Variants in DENND2B observed in about 807,000 individuals in gnomAD.
DENND2B encodes DENN domain containing 2B, also known as DENN domain-containing protein 2B.
Under a neutral mutation model 116.0 loss-of-function variants are expected in DENND2B, and 32 were observed. That is an observed-to-expected ratio of 0.28 (90% CI 0.21 to 0.37). DENND2B has a LOEUF of 0.37. Among genes scored for constraint, DENND2B ranks in the 10% least tolerant of loss-of-function variants. The pLI is 1.00. For synonymous variants in DENND2B, 588 were observed against 583.9 expected, an observed-to-expected ratio of 1.01 and a Z score of -0.10; for missense variants, 1,276 against 1,477.7, an observed-to-expected ratio of 0.86 and a Z score of 2.24.
At chr11:8,906,925 G>C (rs11042116) in intron 1 of DENND2B, among the ~76,000 whole-genome samples, 29,884 of 152,066 alleles carry the variant, frequency 0.2, 3,056 homozygotes, top group East Asian at 0.31. Context: ...GGTATGTACA[G>C]TATAAATCAC....
At chr11:8,897,786 T>C (rs1386089000) in intron 1 of DENND2B, among the ~76,000 whole-genome samples, 4 of 152,166 alleles carry the variant, frequency 2.6e-5, no homozygotes, top group Non-Finnish European at 5.9e-5. Context: ...ACTCTATTTC[T>C]TTGTTCTTGT....
chr11:8,806,612 A>ACACACACACACACACACACACG, intron 1 of DENND2B, among the ~76,000 whole-genome samples: 1 of 150,440 alleles, frequency 6.6e-6, no homozygotes, highest in South Asian at 2.1e-4. Context: ...CAAAACACAC[A>ACACACACACACACACACACACG]CACACACACA....
chr11:8,857,953 GA>G (rs1321553588), intron 2 of DENND2B, among the ~76,000 whole-genome samples: 2 of 152,204 alleles, frequency 1.3e-5, no homozygotes, highest in African/African-American at 4.8e-5. Flanking sequence ...GGTCCTCCAA[GA>G]AATTTCTCTG....
rs1190435108 is a variant in DENND2B at position 8,712,725 on chromosome 11, C to G, written c.1998G>C (p.Gln666His). ...DSDDRFKAHT[Q>H]RLVHIQSMLK... ...GCATCGACTGGATGTGGACCAGGCG[C>G]TGTGTGTGGGCTGGAGGCAGGTTGC... The change falls in exon 9 of 20, where the codon CAG (glutamine) becomes CAC (histidine). Residue 666 changes from glutamine to histidine, a missense_variant. By Grantham distance (24) the Gln-to-His change is conservative (BLOSUM62 0). Around this residue, in one of 2 missense-constraint regions of DENND2B, gnomAD observed 420 missense variants for 631.1 expected, o/e 0.67. Coordinates refer to ENST00000313726, the MANE Select transcript of DENND2B (RefSeq NM_213618.2). The surrounding 1 kb of genome is among the most constrained non-coding windows in gnomAD (Gnocchi z 4.4). The G allele has an allele frequency of 6.2e-7, 1 of 1,611,418 alleles. No homozygotes were observed. Among genetic ancestry groups the G allele is most frequent in the East Asian group, 2.2e-5 (1 of 44,814 alleles).
intron 3 of DENND2B, among the ~76,000 whole-genome samples, chr11:8,728,652 A>G (rs574415919): frequency 2.6e-5 from 4 of 152,262 alleles, no homozygotes; most frequent in Non-Finnish European, 5.9e-5. Context: ...AATTTAGCTC[A>G]GCAACTCCCT....
chr11:8,805,783 A>T (rs554999932), intron 1 of DENND2B, among the ~76,000 whole-genome samples: 4 of 152,282 alleles, frequency 2.6e-5, no homozygotes, highest in Admixed American at 2.6e-4. Context: ...GTCTATTATA[A>T]CATGACATAG....
At position 8,702,919 on chromosome 11, in the gene DENND2B, C is replaced by T; in HGVS notation, c.2572-199G>A. On this transcript the variant is annotated intron_variant, in intron 13 of 19. Coordinates refer to ENST00000313726, the MANE Select transcript of DENND2B (RefSeq NM_213618.2). The surrounding 1 kb of genome is among the most constrained non-coding windows in gnomAD (Gnocchi z 4.6). ...CTCTCGTAGCACTCGAACACCCAGC[C>T]TGTGGGCAAGAGGGCTGCCTGTGAA... is the stretch of plus-strand genomic sequence containing the variant. The T allele has an allele frequency of 1.5e-6, 1 of 673,178 alleles. No homozygotes were observed. Among genetic ancestry groups the T allele is most frequent in the Non-Finnish European group, 2.4e-6 (1 of 415,402 alleles). The allele number at this position is 673,178 out of a possible 1,614,324, so 41.7% of individuals were successfully genotyped here. A position where few individuals can be genotyped will look rare whatever the true frequency, so the allele number is the denominator to read the frequency against.
At chr11:8,703,052 A>G in intron 13 of DENND2B, 1 of 290,762 alleles carries the variant, frequency 3.4e-6, no homozygotes, top group Non-Finnish European at 6.6e-6. Context: ...GGAACCACAC[A>G]GCCACATCTC....
At chr11:8,826,191 A>T (rs2061973511) in intron 4 of DENND2B, among the ~76,000 whole-genome samples, 1 of 152,104 alleles carries the variant, frequency 6.6e-6, no homozygotes, top group African/African-American at 2.4e-5. Flanking sequence ...GCCCTGCCTG[A>T]CCTGCCCTTT....
intron 3 of DENND2B, among the ~76,000 whole-genome samples, chr11:8,849,678 C>A (rs574358582): frequency 6.6e-6 from 1 of 151,738 alleles, no homozygotes; most frequent in African/African-American, 2.4e-5. Context: ...CAAAAATTAG[C>A]CAGGTGTGGT....
At chr11:8,908,082 G>A (rs144939309) in intron 1 of DENND2B, among the ~76,000 whole-genome samples, 2 of 152,104 alleles carry the variant, frequency 1.3e-5, no homozygotes, top group Admixed American at 6.6e-5. Context: ...CTGAACACCC[G>A]CTACTTAACA....
intron 1 of DENND2B, among the ~76,000 whole-genome samples, chr11:8,790,730 C>T (rs1015490109): frequency 1.6e-4 from 25 of 152,188 alleles, no homozygotes; most frequent in Non-Finnish European, 3.4e-4. Flanking sequence ...GATAGCATCA[C>T]TGCACTCCAG....
At chr11:8,695,045 G>A (rs2040115445) in intron 19 of DENND2B, among the ~76,000 whole-genome samples, 1 of 152,090 alleles carries the variant, frequency 6.6e-6, no homozygotes, top group Non-Finnish European at 1.5e-5. Flanking sequence ...CTGAGTGACA[G>A]AGCCAGACCT....
At chr11:8,804,010 G>T (rs949170523) in intron 1 of DENND2B, among the ~76,000 whole-genome samples, 1 of 152,202 alleles carries the variant, frequency 6.6e-6, no homozygotes, top group African/African-American at 2.4e-5. Flanking sequence ...GCAGGAAAGG[G>T]GCAGGCGAGA....
At chr11:8,845,420 A>G (rs999093929) in intron 3 of DENND2B, 1 of 152,252 alleles carries the variant, frequency 6.6e-6, no homozygotes, top group Non-Finnish European at 1.5e-5. Flanking sequence ...GTCATGACCT[A>G]TAATCAAAAA....
At chr11:8,718,473 T>A in intron 4 of DENND2B, 1 of 1,489,028 alleles carries the variant, frequency 6.7e-7, no homozygotes, top group South Asian at 1.3e-5. Flanking sequence ...TTTTGTGTTG[T>A]TCACTGAGGC....
chr11:8,731,074 G>A lies in DENND2B; in HGVS notation c.216C>T (p.Pro72=), dbSNP rs746514416. The change falls in exon 3 of 20, where the codon CCC becomes CCT. Residue 72 remains proline, a synonymous_variant. Coordinates refer to ENST00000313726, the MANE Select transcript of DENND2B (RefSeq NM_213618.2). ...GAGGATTCTGGGGTGAAGGAGCTGG[G>A]GGGTGCCGGTCCTTGAGGAGCACCC... is the stretch of plus-strand genomic sequence containing the variant. ...SSRVLLKDRH[P]PAPSPQNPQD... The A allele has an allele frequency of 5.6e-6, 9 of 1,613,394 alleles. No homozygotes were observed. The highest frequency in any genetic ancestry group is 7.6e-6 in the Non-Finnish European group (9 of 1,179,562).
At chr11:8,881,333 A>G (rs1443445724) in intron 1 of DENND2B, among the ~76,000 whole-genome samples, 1 of 151,972 alleles carries the variant, frequency 6.6e-6, no homozygotes, top group African/African-American at 2.4e-5. Context: ...TAATAATTTC[A>G]TCCCATATAT....
intron 13 of DENND2B, 110 bp downstream of exon 13, chr11:8,706,975 A>G: frequency 2.2e-6 from 3 of 1,381,318 alleles, no homozygotes; most frequent in Non-Finnish European, 2.9e-6. Context: ...GACATGGTTG[A>G]GCAAGGAGGG....
Sources: allele counts gnomAD v4.1 joint callset (sites outside exome capture counted in the v4.1 genomes callset), GRCh38; gene constraint gnomAD v4.1.1; regional missense constraint gnomAD v4.1.1; non-coding constraint Gnocchi (gnomAD v3.1); transcripts MANE v1.5; gene names NCBI Gene and HGNC (gene_info 2026-07-23, HGNC 2026-07-21).